ANXA1: variants seen among roughly 807,000 people sequenced by gnomAD.
ANXA1 encodes the protein annexin A1, also known as annexin I (lipocortin I).
A neutral mutation model predicts 47.9 loss-of-function variants in ANXA1; 39 were observed. The observed-to-expected ratio is 0.81, with a 90% CI of 0.63 to 1.06. The LOEUF (loss-of-function observed/expected upper bound fraction) is 1.06. Ranked by LOEUF, ANXA1 falls within the 50% of genes least tolerant of loss-of-function variation. The probability of loss-of-function intolerance (pLI) is 0.00; values close to 1 mark genes in which losing one functional copy is unlikely to be tolerated. For synonymous variants in ANXA1, 146 were observed against 142.5 expected, an observed-to-expected ratio of 1.02 and a Z score of -0.17; for missense variants, 446 against 422.7, an observed-to-expected ratio of 1.06 and a Z score of -0.48.
chr9:73,168,847 T>G, intron 11 of ANXA1, 185 bp from the exon 12 acceptor site: 8 of 490,708 alleles, frequency 1.6e-5, no homozygotes, highest in African/African-American at 2.0e-5. Context: ...ATGTAGAGGA[T>G]TATTTATTTT....
At chr9:73,158,477 G>A in intron 1 of ANXA1, 45 bp from the exon 2 acceptor site, 1 of 1,433,002 alleles carries the variant, frequency 7.0e-7, no homozygotes, top group Non-Finnish European at 9.8e-7. Context: ...GAGGTTGTGT[G>A]TGGTGCATTT....
In ANXA1 at chr9:73,160,302, C is replaced by A. The variant is rs1824116319; in HGVS notation, c.310C>A (p.Leu104Ile). Reference sequence around the variant, plus strand: ...ACTGAAGAAAGCCCTTACAGGTCACCTTGAGGAGGTTGTTTTAGCTCTGCT... The same window carrying A: ...ACTGAAGAAAGCCCTTACAGGTCACATTGAGGAGGTTGTTTTAGCTCTGCT... ...ETLKKALTGH[L>I]EEVVLALLKT... is the part of the protein sequence containing the mutation. Residue 104 changes from leucine (L) to isoleucine (I), a missense_variant, in exon 5 of 13, where the codon CTT becomes ATT. By Grantham distance (5) the Leu-to-Ile change is conservative. Transcript: ENST00000257497. The A allele has an allele frequency of 1.3e-6, 2 of 1,585,428 alleles. No individual in the cohort carries two copies. Among genetic ancestry groups the A allele is most frequent in the Non-Finnish European group, 1.7e-6 (2 of 1,171,348 alleles).
chr9:73,166,630 A>G (rs1284286052), intron 10 of ANXA1, among the ~76,000 whole-genome samples: 1 of 152,080 alleles, frequency 6.6e-6, no homozygotes, highest in Non-Finnish European at 1.5e-5. Context: ...GCCTCTAAAA[A>G]TCGGTACTTT....
In ANXA1 at chr9:73,158,823, C is replaced by T. The variant is rs991026489; in HGVS notation, c.175+20C>T. The T allele has an allele frequency of 6.3e-7, 1 of 1,583,560 alleles. No homozygotes were observed. Among genetic ancestry groups the T allele is most frequent in the Non-Finnish European group, 8.7e-7 (1 of 1,152,852 alleles). ...TTAAAGGTAACGTGTTTCCTCAAAA[C>T]AGTTCCCTCCTGGACATTTCAGAAT... On this transcript the variant is annotated intron_variant, in intron 3 of 12. Coordinates refer to ENST00000257497, the MANE Select transcript of ANXA1 (RefSeq NM_000700.3).
chr9:73,170,349 G>A lies in ANXA1; in HGVS notation c.*242G>A, dbSNP rs1824303512. Reference sequence around the variant, plus strand: ...AAGTTGTTCTAGTAACAATACATGAGAAAGATGTCTATGTAGCTGAAAATA... The same window carrying A: ...AAGTTGTTCTAGTAACAATACATGAAAAAGATGTCTATGTAGCTGAAAATA... On this transcript the variant is annotated 3_prime_UTR_variant, in exon 13 of 13. Transcript: ENST00000257497. 3.0e-6 allele frequency: 1 copy of A among 332,668 alleles called. No homozygotes were observed. Among genetic ancestry groups the A allele is most frequent in the East Asian group, 4.6e-5 (1 of 21,592 alleles). The allele number at this position is 332,668 out of a possible 1,614,324, so 20.6% of individuals were successfully genotyped here.
At chr9:73,159,601 C>A in intron 4 of ANXA1, 178 bp downstream of exon 4, 2 of 502,720 alleles carry the variant, frequency 4.0e-6, no homozygotes, top group Admixed American at 3.7e-5. Flanking sequence ...TATCAAATTT[C>A]CTATTTTTAT....
Position 73,169,045 on chromosome 9 carries a change from G to A in ANXA1, c.875G>A (p.Arg292His), listed in dbSNP as rs570755224. The change falls in exon 12 of 13, where the codon CGC (arginine) becomes CAC (histidine). Residue 292 changes from arginine to histidine, a missense_variant. Transcript: ENST00000257497. ...TATTTTGGCCAGGGTGTTGGAACTC[G>A]CCATAAGGCATTGATCAGGATTATG... ...LHQAMKGVGT[R>H]HKALIRIMVS... The A allele has an allele frequency of 1.8e-5, 29 of 1,610,714 alleles. No homozygotes were observed. Among genetic ancestry groups the A allele is most frequent in the Non-Finnish European group, 2.3e-5 (27 of 1,178,708 alleles).
chr9:73,158,571 G>A lies in ANXA1; in HGVS notation c.36G>A (p.Trp12Ter), dbSNP rs1279954284. ...TATCAGAATTCCTCAAGCAGGCCTG[G>A]TTTATTGAAAATGAAGAGCAGGAAT... ...AMVSEFLKQA[W>*]FIENEEQEYV... Residue 12 changes from tryptophan to a stop codon, truncating the protein, a stop_gained, in exon 2 of 13, where the codon TGG (tryptophan) becomes TGA (stop). Transcript: ENST00000257497. LOFTEE classifies it high-confidence loss of function. The A allele has an allele frequency of 6.2e-7, 1 of 1,613,586 alleles. No individual in the cohort carries two copies. The highest frequency in any genetic ancestry group is 8.5e-7 in the Non-Finnish European group (1 of 1,179,806).
chr9:73,164,137 T>G (rs1454782532), intron 8 of ANXA1, among the ~76,000 whole-genome samples: 2 of 152,140 alleles, frequency 1.3e-5, no homozygotes, highest in African/African-American at 4.8e-5. Context: ...AAACAACTAA[T>G]ATTTGCATTA....
chr9:73,162,932 C>T, intron 7 of ANXA1, 71 bp downstream of exon 7: 2 of 1,254,166 alleles, frequency 1.6e-6, no homozygotes, highest in Non-Finnish European at 2.3e-6. Flanking sequence ...TTTTGTGTTG[C>T]TATAAGGGAA....
At chr9:73,169,803 A>C (rs933365924) in intron 12 of ANXA1, among the ~76,000 whole-genome samples, 3 of 152,174 alleles carry the variant, frequency 2.0e-5, no homozygotes, top group Non-Finnish European at 4.4e-5. Context: ...TTTCATTCAT[A>C]GAAAATAATG....
rs1374460473 is a variant in ANXA1 at position 73,169,103 on chromosome 9, C to T, written c.933C>T (p.Ile311=). The T allele has an allele frequency of 6.2e-6, 10 of 1,613,326 alleles. No homozygotes were observed. Among genetic ancestry groups the T allele is most frequent in the Admixed American group, 1.7e-5 (1 of 59,934 alleles). ...GTTCTGAAATTGACATGAATGATAT[C>T]AAAGCATTCTATCAGAAGATGTATG... is the stretch of plus-strand genomic sequence containing the variant. The part of the protein sequence containing the change: ...VSRSEIDMND[I]KAFYQKMYGI... The change falls in exon 12 of 13, where the codon ATC becomes ATT. Residue 311 remains isoleucine (I), a synonymous_variant. Transcript: ENST00000257497.
At chr9:73,166,275 A>C in intron 10 of ANXA1, 83 bp downstream of exon 10, 1 of 955,818 alleles carries the variant, frequency 1.0e-6, no homozygotes, top group Non-Finnish European at 1.6e-6. Context: ...GAACAACAGC[A>C]ACAAAACCAA....
At chr9:73,160,196 A>G (rs1460849847) in intron 4 of ANXA1, 67 bp from the exon 5 acceptor site, 5 of 1,113,404 alleles carry the variant, frequency 4.5e-6, no homozygotes, top group East Asian at 5.2e-5. Flanking sequence ...AAAGTCAGGT[A>G]ATATCACATT....
intron 11 of ANXA1, chr9:73,168,016 G>A (rs907375738): frequency 1.3e-5 from 2 of 156,138 alleles, no homozygotes; most frequent in Admixed American, 1.2e-4. Flanking sequence ...ATGTATTTGA[G>A]ATCAACTATG....
At chr9:73,164,225 C>T (rs1351917171) in intron 8 of ANXA1, among the ~76,000 whole-genome samples, 3 of 152,076 alleles carry the variant, frequency 2.0e-5, no homozygotes, top group African/African-American at 7.2e-5. Context: ...TTGTGCACCC[C>T]CATCCACTTC....
chr9:73,158,352 T>TA (rs1563961472), intron 1 of ANXA1, 170 bp from the exon 2 acceptor site: 13 of 564,644 alleles, frequency 2.3e-5, no homozygotes, highest in Non-Finnish European at 3.1e-5. Flanking sequence ...AAGCTTCCTT[T>TA]AAAAAAAATT....
intron 1 of ANXA1, chr9:73,154,431 C>CTTTTCT (rs1275366567): frequency 1.1e-5 from 13 of 1,166,802 alleles, no homozygotes; most frequent in South Asian, 2.5e-5. Context: ...TTTTTCTTTT[C>CTTTTCT]TTTTCTTTTT....
At chr9:73,166,333 A>G (rs932167074) in intron 10 of ANXA1, 141 bp downstream of exon 10, 2 of 614,720 alleles carry the variant, frequency 3.3e-6, no homozygotes, top group African/African-American at 1.9e-5. Context: ...GTTTCAATTG[A>G]AGCAACGTAA....
Sources: gnomAD v4.1 joint callset for allele counts (sites outside exome capture counted in the v4.1 genomes callset) on GRCh38, gnomAD v4.1.1 for gene constraint, MANE v1.5 for transcripts, NCBI Gene and HGNC (gene_info 2026-07-23, HGNC 2026-07-21) for gene names.